Variants in PCSK2 observed in about 807,000 individuals in gnomAD.
PCSK2 encodes the protein proprotein convertase subtilisin/kexin type 2.
Under a neutral mutation model 69.7 loss-of-function variants are expected in PCSK2, and 14 were observed. That is an observed-to-expected ratio of 0.20 (90% CI 0.13 to 0.31). The LOEUF (loss-of-function observed/expected upper bound fraction) is 0.31. Among genes scored for constraint, PCSK2 ranks in the 10% least tolerant of loss-of-function variants. The probability of loss-of-function intolerance (pLI) is 1.00; values close to 1 mark genes in which losing one functional copy is unlikely to be tolerated. For synonymous variants in PCSK2, 307 were observed against 320.7 expected, an observed-to-expected ratio of 0.96 and a Z score of 0.46; for missense variants, 544 against 842.5, an observed-to-expected ratio of 0.65 and a Z score of 4.39.
rs1453679289 is a variant in PCSK2 at position 17,376,528 on chromosome 20, T to C, written c.543+7251T>C. On this transcript the variant is annotated intron_variant, in intron 5 of 11. Coordinates refer to ENST00000262545, the MANE Select transcript of PCSK2 (RefSeq NM_002594.5). ...GAATCAAAATCTTTAGGGACAAGCC[T>C]CATAGTGTGTATTTCTTTTAGAATA... Among the ~76,000 whole-genome samples the C allele has an allele frequency of 2.6e-5, 4 of 152,266 alleles. No individual in the cohort carries two copies. The East Asian group carries it at 7.7e-4, about 29-fold the overall frequency.
intron 6 of PCSK2, among the ~76,000 whole-genome samples, chr20:17,414,222 C>CA (rs1012152075): frequency 6.6e-6 from 1 of 151,526 alleles, no homozygotes; most frequent in Non-Finnish European, 1.5e-5. Context: ...AAAAACCCTT[C>CA]AAAAAAAATC....
At chr20:17,372,197 G>A (rs992029904) in intron 5 of PCSK2, among the ~76,000 whole-genome samples, 3 of 151,978 alleles carry the variant, frequency 2.0e-5, no homozygotes, top group African/African-American at 7.2e-5. Flanking sequence ...GGCTAACACG[G>A]TGAAACCCCG....
In PCSK2 at chr20:17,481,959, G is replaced by C; in HGVS notation, c.1806G>C (p.Gln602His). ...HGTQSAPYID[Q>H]VVRDYQSKLA... is the part of the protein sequence containing the mutation. Reference sequence around the variant, plus strand: ...CTCAGAGTGCCCCGTACATCGACCAGGTGGTGCGGGATTACCAGTCCAAGT... The same window carrying C: ...CTCAGAGTGCCCCGTACATCGACCACGTGGTGCGGGATTACCAGTCCAAGT... The change falls in exon 12 of 12, where the codon CAG (glutamine) becomes CAC (histidine). Residue 602 changes from glutamine to histidine, a missense_variant. Gln to His is a conservative substitution (Grantham distance 24). Around this residue, in one of 3 missense-constraint regions of PCSK2, gnomAD observed 200 missense variants for 287.8 expected, o/e 0.69. Coordinates refer to ENST00000262545, the MANE Select transcript of PCSK2 (RefSeq NM_002594.5). 1.2e-6 allele frequency: 2 copies of C among 1,613,322 alleles called. No individual in the cohort carries two copies. The highest frequency in any genetic ancestry group is 1.7e-6 in the Non-Finnish European group (2 of 1,179,914).
At chr20:17,276,138 C>T (rs374225928) in intron 2 of PCSK2, among the ~76,000 whole-genome samples, 25 of 152,108 alleles carry the variant, frequency 1.6e-4, no homozygotes, top group African/African-American at 5.5e-4. Context: ...TCACTGCTGT[C>T]CTTTAGTAAT....
At chr20:17,373,799 A>T (rs1481934293) in intron 5 of PCSK2, among the ~76,000 whole-genome samples, 1 of 152,220 alleles carries the variant, frequency 6.6e-6, no homozygotes, top group East Asian at 1.9e-4. Context: ...ATACTTGGAA[A>T]ATTGCAAATC....
chr20:17,248,856 C>T (rs1285968245), intron 1 of PCSK2, among the ~76,000 whole-genome samples: 1 of 152,142 alleles, frequency 6.6e-6, no homozygotes, highest in Non-Finnish European at 1.5e-5. Flanking sequence ...GTCATGGTTA[C>T]AAAGGGGCTG....
chr20:17,226,772 T>G (rs983954219), upstream of PCSK2, among the ~76,000 whole-genome samples: 2 of 141,718 alleles, frequency 1.4e-5, no homozygotes, highest in Non-Finnish European at 3.1e-5. Flanking sequence ...AGCTCTCCGG[T>G]GCTGAAAGGG....
rs1989240727 is a variant in PCSK2, at chr20:17,303,825, C to G, written c.282+43481C>G. On this transcript the variant is annotated intron_variant, in intron 2 of 11. Transcript: ENST00000262545. ...CTCCTGACCTCAGGTGATCCACCCC[C>G]CACCCCGCCCTCCCAAAGTGCTGGG... Among the ~76,000 whole-genome samples the G allele has an allele frequency of 2.0e-5, 3 of 148,650 alleles. No homozygotes were observed. The Admixed American group carries it at 2.0e-4, about 10-fold the overall frequency.
intron 2 of PCSK2, among the ~76,000 whole-genome samples, chr20:17,321,865 A>T (rs562729045): frequency 2.3e-4 from 35 of 152,322 alleles, no homozygotes; most frequent in African/African-American, 7.5e-4. Context: ...AAACAGAGAG[A>T]CAGAAGGATT....
chr20:17,229,879 T>A (rs1986084240), intron 1 of PCSK2, among the ~76,000 whole-genome samples: 3 of 152,232 alleles, frequency 2.0e-5, no homozygotes, highest in African/African-American at 7.2e-5. Context: ...AGGCAAACAC[T>A]GCACTACATA....
chr20:17,440,437 G>A (rs948987358), intron 8 of PCSK2, among the ~76,000 whole-genome samples: 1 of 152,204 alleles, frequency 6.6e-6, no homozygotes, highest in Non-Finnish European at 1.5e-5. Context: ...GAAAGGAACA[G>A]CCCTGTATTT....
intron 2 of PCSK2, among the ~76,000 whole-genome samples, chr20:17,261,741 G>T (rs1429148625): frequency 6.6e-6 from 1 of 152,106 alleles, no homozygotes; most frequent in East Asian, 1.9e-4. Flanking sequence ...CCCAAGGTGG[G>T]CACCAGTAGA....
At chr20:17,389,562 A>G (rs929748916) in intron 5 of PCSK2, among the ~76,000 whole-genome samples, 17 of 152,278 alleles carry the variant, frequency 1.1e-4, no homozygotes, top group African/African-American at 4.1e-4. Context: ...CACTGCTCAG[A>G]CTTTGCAGCT....
intron 1 of PCSK2, among the ~76,000 whole-genome samples, chr20:17,229,310 C>A (rs1986056615): frequency 6.6e-6 from 1 of 151,686 alleles, no homozygotes; most frequent in Non-Finnish European, 1.5e-5. Context: ...CCCACCCAAG[C>A]AAGCTAGGTG....
chr20:17,421,728 T>C (rs1240859532), intron 6 of PCSK2, among the ~76,000 whole-genome samples: 1 of 143,404 alleles, frequency 7.0e-6, no homozygotes, highest in Non-Finnish European at 1.5e-5. Flanking sequence ...AACACTGTTG[T>C]AGAAACTGGT....
intron 2 of PCSK2, among the ~76,000 whole-genome samples, chr20:17,354,496 A>G (rs534853536): frequency 6.6e-6 from 1 of 152,320 alleles, no homozygotes; most frequent in Non-Finnish European, 1.5e-5. Context: ...TTTCTCTGAC[A>G]TTAAGGGCTT....
intron 2 of PCSK2, among the ~76,000 whole-genome samples, chr20:17,332,961 G>T (rs1465522018): frequency 6.6e-6 from 1 of 152,142 alleles, no homozygotes; most frequent in Non-Finnish European, 1.5e-5. Flanking sequence ...ACCCTAAATT[G>T]GATCCTGGGT....
At chr20:17,429,354 C>A in intron 6 of PCSK2, 81 bp from the exon 7 acceptor site, 1 of 981,608 alleles carries the variant, frequency 1.0e-6, no homozygotes, top group Non-Finnish European at 1.6e-6. Context: ...ATTTTTGTTC[C>A]AAAGAGAATT....
chr20:17,263,625 G>A (rs1032859066), intron 2 of PCSK2, among the ~76,000 whole-genome samples: 4 of 152,160 alleles, frequency 2.6e-5, no homozygotes, highest in Non-Finnish European at 5.9e-5. Flanking sequence ...GGAAATAAAA[G>A]TACTATATAG....
Sources: gnomAD v4.1 joint callset for allele counts (sites outside exome capture counted in the v4.1 genomes callset) on GRCh38, gnomAD v4.1.1 for gene constraint, gnomAD v4.1.1 regional missense constraint, MANE v1.5 for transcripts, NCBI Gene and HGNC (gene_info 2026-07-23, HGNC 2026-07-21) for gene names.